The following ARL15 variants were observed in gnomAD, a reference collection of about 807,000 sequenced individuals.
ARL15 encodes the protein ADP-ribosylation factor-like protein 15.
In ARL15, 19 loss-of-function variants were observed where a neutral mutation model predicts 25.2. That is an observed-to-expected ratio of 0.75 (90% CI 0.53 to 1.10). The LOEUF (loss-of-function observed/expected upper bound fraction) is 1.10. Among genes scored for constraint, ARL15 ranks in the 50% least tolerant of loss-of-function variants. The pLI is 0.00. For missense variants in ARL15, 220 were observed against 246.0 expected (o/e 0.89, Z 0.71); for synonymous variants, 94 against 86.8 (o/e 1.08, Z -0.46).
At chr5:53,943,767 A>G (rs966410857) in intron 4 of ARL15, among the ~76,000 whole-genome samples, 4 of 152,176 alleles carry the variant, frequency 2.6e-5, no homozygotes, top group Non-Finnish European at 4.4e-5. Context: ...TAAATTTTCT[A>G]CCTGAGAGCT....
chr5:53,981,807 G>A (rs1365556745), intron 4 of ARL15, among the ~76,000 whole-genome samples: 1 of 151,906 alleles, frequency 6.6e-6, no homozygotes, highest in East Asian at 1.9e-4. Flanking sequence ...GCTGAGGTAG[G>A]AGAATTGCTT....
In ARL15 at chr5:54,251,210, T is replaced by G. The variant is rs577531684; in HGVS notation, c.48+59222A>C. ...AAGCTTTAATTACTGGCTCACACTTTTTATGATAAAACACACACTGCAAAA... is the reference window on the plus strand; with the variant it reads ...AAGCTTTAATTACTGGCTCACACTTGTTATGATAAAACACACACTGCAAAA... On this transcript the variant is annotated intron_variant, in intron 1 of 4. Transcript: ENST00000504924. 2.0e-5 allele frequency among the ~76,000 whole-genome samples: 3 copies of G among 152,350 alleles called. No homozygotes were observed. In the East Asian group the frequency reaches 5.8e-4, roughly 29 times the overall value.
At chr5:54,061,633 T>C (rs1301144733) in intron 4 of ARL15, among the ~76,000 whole-genome samples, 1 of 152,070 alleles carries the variant, frequency 6.6e-6, no homozygotes, top group Non-Finnish European at 1.5e-5. Context: ...AATAAAAGAA[T>C]TGACATTTGG....
intron 4 of ARL15, among the ~76,000 whole-genome samples, chr5:54,024,029 A>AC (rs1404485694): frequency 6.6e-6 from 1 of 151,976 alleles, no homozygotes; most frequent in Non-Finnish European, 1.5e-5. Context: ...AACCATCAGC[A>AC]CCCCACTATG....
At chr5:54,175,165 T>G (rs563939852) in intron 1 of ARL15, among the ~76,000 whole-genome samples, 1 of 152,218 alleles carries the variant, frequency 6.6e-6, no homozygotes, top group Non-Finnish European at 1.5e-5. Flanking sequence ...CTCCAGAATT[T>G]CATCTTCATG....
chr5:54,046,880 C>T (rs552521650), intron 4 of ARL15, among the ~76,000 whole-genome samples: 82 of 152,242 alleles, frequency 5.4e-4, no homozygotes, highest in Admixed American at 9.8e-4. Flanking sequence ...TAGCATGGTA[C>T]GGCAGGCCAG....
intron 4 of ARL15, among the ~76,000 whole-genome samples, chr5:54,065,942 T>G (rs1751217878): frequency 6.6e-6 from 1 of 152,242 alleles, no homozygotes; most frequent in Non-Finnish European, 1.5e-5. Flanking sequence ...ACATTTGTGG[T>G]CTGCATTACA....
chr5:54,104,105 T>A (rs1226421251), intron 4 of ARL15, among the ~76,000 whole-genome samples: 2 of 152,158 alleles, frequency 1.3e-5, no homozygotes, highest in African/African-American at 4.8e-5. Context: ...CCTCTTTCCA[T>A]TCTTTTGAAG....
intron 1 of ARL15, among the ~76,000 whole-genome samples, chr5:54,266,272 A>T (rs1342851372): frequency 1.3e-5 from 2 of 152,230 alleles, no homozygotes; most frequent in Non-Finnish European, 2.9e-5. Context: ...AAATGAGAGC[A>T]GACCTCTCCC....
At chr5:53,961,116 G>A (rs1747349375) in intron 4 of ARL15, among the ~76,000 whole-genome samples, 3 of 152,098 alleles carry the variant, frequency 2.0e-5, no homozygotes, top group African/African-American at 7.2e-5. Flanking sequence ...ATGAAACAAG[G>A]TTATGGTTAG....
chr5:53,907,496 T>A (rs1357018023), intron 4 of ARL15, among the ~76,000 whole-genome samples: 195 of 69,346 alleles, frequency 2.8e-3, no homozygotes, highest in South Asian at 3.5e-3. Flanking sequence ...ATATTTTTTT[T>A]TTTTTTTTTT....
At chr5:54,033,864 A>C (rs1453531485) in intron 4 of ARL15, among the ~76,000 whole-genome samples, 1 of 152,108 alleles carries the variant, frequency 6.6e-6, no homozygotes, top group Non-Finnish European at 1.5e-5. Flanking sequence ...CCCAGGCTGG[A>C]GTGCAGTGGC....
At chr5:54,162,370 C>A (rs938932049) in intron 2 of ARL15, among the ~76,000 whole-genome samples, 2 of 152,128 alleles carry the variant, frequency 1.3e-5, no homozygotes, top group African/African-American at 2.4e-5. Flanking sequence ...TCATATTGAA[C>A]CTTATCTTTC....
intron 4 of ARL15, among the ~76,000 whole-genome samples, chr5:54,034,095 G>A (rs1750094774): frequency 6.6e-6 from 1 of 152,158 alleles, no homozygotes; most frequent in Non-Finnish European, 1.5e-5. Context: ...TTACAGGCAT[G>A]AGCCACCACG....
intron 1 of ARL15, among the ~76,000 whole-genome samples, chr5:54,233,367 T>C (rs1393063837): frequency 6.6e-6 from 1 of 152,190 alleles, no homozygotes. Context: ...ATAAATGAAG[T>C]GGGCATGTCA....
chr5:54,282,227 T>C, intron 1 of ARL15: 1 of 984,872 alleles, frequency 1.0e-6, no homozygotes, highest in South Asian at 4.7e-5. Context: ...GGTCTTCACT[T>C]ATTTTTCACA....
chr5:54,202,831 C>A (rs1197543054), intron 1 of ARL15, among the ~76,000 whole-genome samples: 3 of 151,908 alleles, frequency 2.0e-5, no homozygotes, highest in Non-Finnish European at 4.4e-5. Context: ...TTCCTAAAGT[C>A]AAATTATTAT....
chr5:54,211,757 C>A (rs775321584), intron 1 of ARL15, among the ~76,000 whole-genome samples: 5 of 152,038 alleles, frequency 3.3e-5, no homozygotes, highest in African/African-American at 4.8e-5. Flanking sequence ...CAGGCACGAG[C>A]CACCGTGACC....
chr5:54,235,434 A>G (rs1346321737), intron 1 of ARL15, among the ~76,000 whole-genome samples: 1 of 152,218 alleles, frequency 6.6e-6, no homozygotes, highest in Non-Finnish European at 1.5e-5. Context: ...ATGTTTTAAA[A>G]AATGTACGCA....
Sources: gnomAD v4.1 joint callset for allele counts (sites outside exome capture counted in the v4.1 genomes callset) on GRCh38, gnomAD v4.1.1 for gene constraint, MANE v1.5 for transcripts, NCBI Gene and HGNC (gene_info 2026-07-23, HGNC 2026-07-21) for gene names.